The following CDH18 variants were observed in gnomAD, a reference collection of about 807,000 sequenced individuals.
CDH18 encodes cadherin-18.
A neutral mutation model predicts 67.9 loss-of-function variants in CDH18; 31 were observed. That is an observed-to-expected ratio of 0.46 (90% confidence interval 0.34 to 0.62). The LOEUF is 0.62. Ranked by LOEUF, CDH18 falls within the 20% of genes least tolerant of loss-of-function variation. CDH18 has a pLI of 0.01. For synonymous variants in CDH18, 362 were observed against 347.2 expected, an observed-to-expected ratio of 1.04 and a Z score of -0.48; for missense variants, 890 against 975.5, an observed-to-expected ratio of 0.91 and a Z score of 1.17.
chr5:20,391,638 A>G (rs945384462), intron 1 of CDH18, among the ~76,000 whole-genome samples: 2 of 152,020 alleles, frequency 1.3e-5, no homozygotes, highest in African/African-American at 4.8e-5. Context: ...AGAGCTTTAC[A>G]TTACTTAAAA....
At chr5:19,538,939 A>G (rs959582889) in intron 9 of CDH18, among the ~76,000 whole-genome samples, 19 of 152,218 alleles carry the variant, frequency 1.2e-4, no homozygotes, top group African/African-American at 4.3e-4. Context: ...TAAAAATCCC[A>G]TTTGAAAAAG....
intron 1 of CDH18, among the ~76,000 whole-genome samples, chr5:20,528,090 G>GA (rs1352398006): frequency 1.3e-5 from 2 of 151,840 alleles, no homozygotes; most frequent in East Asian, 1.9e-4. Flanking sequence ...ATGAAAAGCA[G>GA]AAAAAAGTGG....
At chr5:19,866,064 C>A (rs577728962) in intron 2 of CDH18, among the ~76,000 whole-genome samples, 2 of 152,060 alleles carry the variant, frequency 1.3e-5, no homozygotes, top group Admixed American at 1.3e-4. Flanking sequence ...ACAACAACAA[C>A]AAAAGCCCTG....
chr5:19,503,996 GAACT>G (rs1405943388), intron 10 of CDH18, among the ~76,000 whole-genome samples: 5 of 149,858 alleles, frequency 3.3e-5, no homozygotes, highest in Non-Finnish European at 7.4e-5. Context: ...GAAATACATT[GAACT>G]AATATCATTT....
intron 1 of CDH18, among the ~76,000 whole-genome samples, chr5:20,566,712 G>T (rs1758535630): frequency 6.6e-6 from 1 of 151,664 alleles, no homozygotes; most frequent in African/African-American, 2.4e-5. Flanking sequence ...TTACATGTGT[G>T]ATTTTTTTGG....
chr5:19,911,666 C>T (rs905800715), intron 2 of CDH18, among the ~76,000 whole-genome samples: 2 of 151,060 alleles, frequency 1.3e-5, no homozygotes, highest in Non-Finnish European at 2.9e-5. Context: ...GGGAGACAGC[C>T]CTCACCAGGA....
At chr5:20,229,251 G>T (rs1741878558) in intron 2 of CDH18, among the ~76,000 whole-genome samples, 1 of 151,998 alleles carries the variant, frequency 6.6e-6, no homozygotes, top group Admixed American at 6.6e-5. Flanking sequence ...GTCAATAAAA[G>T]ATTATTTTTG....
At chr5:20,229,600 A>G (rs1741904433) in intron 2 of CDH18, among the ~76,000 whole-genome samples, 1 of 152,126 alleles carries the variant, frequency 6.6e-6, no homozygotes, top group Admixed American at 6.5e-5. Context: ...TAATTTTTCT[A>G]TTTTGGTAAC....
chr5:19,929,149 T>C (rs1793412003), intron 2 of CDH18, among the ~76,000 whole-genome samples: 1 of 143,622 alleles, frequency 7.0e-6, no homozygotes. Flanking sequence ...ATATGATCAA[T>C]GGAAAAGAAA....
intron 8 of CDH18, among the ~76,000 whole-genome samples, chr5:19,568,525 T>A (rs556237118): frequency 6.6e-6 from 1 of 152,312 alleles, no homozygotes; most frequent in Non-Finnish European, 1.5e-5. Context: ...TGCAGTTTTT[T>A]ATAAGCCACC....
chr5:19,756,230 A>G (rs973885748), intron 3 of CDH18, among the ~76,000 whole-genome samples: 3 of 152,240 alleles, frequency 2.0e-5, no homozygotes, highest in Non-Finnish European at 4.4e-5. Flanking sequence ...CTTATGTCAT[A>G]TGATAAAGGA....
chr5:20,283,154 GA>G (rs34826825), intron 1 of CDH18, among the ~76,000 whole-genome samples: 51,773 of 151,548 alleles, frequency 0.34, 9,022 homozygotes, highest in South Asian at 0.39. Flanking sequence ...AAAATTACTA[GA>G]AAAAAAATAA....
At chr5:19,586,127 GAGGAAATACTCTAA>G (rs1212010072) in intron 7 of CDH18, among the ~76,000 whole-genome samples, 1 of 152,154 alleles carries the variant, frequency 6.6e-6, no homozygotes, top group Non-Finnish European at 1.5e-5. Context: ...TCTTGATACA[GAGGAAATACTCTAA>G]CAAATATTAG....
At chr5:20,334,288 C>T (rs1447541583) in intron 1 of CDH18, among the ~76,000 whole-genome samples, 1 of 150,996 alleles carries the variant, frequency 6.6e-6, no homozygotes, top group Admixed American at 6.6e-5. Context: ...CGCCCGCCAC[C>T]TCGCCCGGCT....
At chr5:19,591,563 A>T (rs983655241) in intron 6 of CDH18, among the ~76,000 whole-genome samples, 2 of 152,154 alleles carry the variant, frequency 1.3e-5, no homozygotes, top group Non-Finnish European at 2.9e-5. Flanking sequence ...ACCAAAACTG[A>T]ATTAGTCAAG....
chr5:20,027,100 T>C (rs966000745), intron 2 of CDH18, among the ~76,000 whole-genome samples: 1 of 151,978 alleles, frequency 6.6e-6, no homozygotes, highest in Non-Finnish European at 1.5e-5. Context: ...AATTACCTTG[T>C]TGCTTTTATA....
chr5:19,923,934 C>T (rs1792790883), intron 2 of CDH18, among the ~76,000 whole-genome samples: 1 of 152,174 alleles, frequency 6.6e-6, no homozygotes, highest in African/African-American at 2.4e-5. Flanking sequence ...ACCCCATCCC[C>T]CGGTGAGATG....
intron 1 of CDH18, among the ~76,000 whole-genome samples, chr5:20,512,964 C>T (rs938382429): frequency 4.6e-5 from 7 of 151,858 alleles, no homozygotes; most frequent in African/African-American, 1.7e-4. Flanking sequence ...TACATGCACT[C>T]GTCAGTCACA....
At chr5:20,549,231 A>G (rs1757503491) in intron 1 of CDH18, among the ~76,000 whole-genome samples, 2 of 152,128 alleles carry the variant, frequency 1.3e-5, no homozygotes, top group Non-Finnish European at 2.9e-5. Context: ...TATTTCATAA[A>G]CTTTTATATG....
Sources: allele counts gnomAD v4.1 joint callset (sites outside exome capture counted in the v4.1 genomes callset), GRCh38; gene constraint gnomAD v4.1.1; transcripts MANE v1.5; gene names NCBI Gene and HGNC (gene_info 2026-07-23, HGNC 2026-07-21).